The following VEPH1 variants were observed in gnomAD, a reference collection of about 807,000 sequenced individuals.
VEPH1 encodes ventricular zone-expressed PH domain-containing protein homolog 1.
Under a neutral mutation model 85.2 loss-of-function variants are expected in VEPH1, and 80 were observed. That is an observed-to-expected ratio of 0.94 (90% CI 0.78 to 1.13). The LOEUF is 1.13. Among genes scored for constraint, VEPH1 ranks in the 50% most tolerant of loss-of-function variants. The pLI is 0.00. For synonymous variants in VEPH1, 297 were observed against 348.0 expected (o/e 0.85, Z 1.63); for missense variants, 955 against 980.5 (o/e 0.97, Z 0.35).
chr3:157,437,035 A>G, intron 4 of VEPH1: 1 of 1,614,098 alleles, frequency 6.2e-7, no homozygotes, highest in Non-Finnish European at 8.5e-7. Flanking sequence ...ACAACGAAAT[A>G]GACAATGGAC....
intron 9 of VEPH1, among the ~76,000 whole-genome samples, chr3:157,334,100 A>G (rs16827505): frequency 6.6e-6 from 1 of 152,282 alleles, no homozygotes; most frequent in East Asian, 1.9e-4. Context: ...TATCAAACTC[A>G]TTGACGCTCC....
intron 5 of VEPH1, among the ~76,000 whole-genome samples, chr3:157,416,481 A>G (rs1731922274): frequency 6.6e-6 from 1 of 152,330 alleles, no homozygotes; most frequent in East Asian, 1.9e-4. Flanking sequence ...GGTCCCTGGC[A>G]TATATGGCAG....
chr3:157,397,545 T>G (rs530777590), intron 6 of VEPH1, among the ~76,000 whole-genome samples: 1 of 152,318 alleles, frequency 6.6e-6, no homozygotes, highest in Admixed American at 6.5e-5. Context: ...ATTCTTCCTA[T>G]CAATGAGTAT....
chr3:157,291,436 A>G (rs763401696), intron 11 of VEPH1, among the ~76,000 whole-genome samples: 2 of 152,214 alleles, frequency 1.3e-5, no homozygotes, highest in Admixed American at 6.5e-5. Context: ...AAGAATATCC[A>G]TGCCACAATT....
At chr3:157,489,291 C>T in intron 2 of VEPH1, 1 of 429,762 alleles carries the variant, frequency 2.3e-6, no homozygotes, top group Non-Finnish European at 4.7e-6. Context: ...CACATTGTTC[C>T]CTTCACTACA....
At chr3:157,393,601 T>C (rs1332108773) in intron 6 of VEPH1, among the ~76,000 whole-genome samples, 1 of 152,182 alleles carries the variant, frequency 6.6e-6, no homozygotes, top group Non-Finnish European at 1.5e-5. Flanking sequence ...AAATATTCAA[T>C]GATTGTATTT....
At chr3:157,468,028 A>G (rs1224081270) in intron 3 of VEPH1, among the ~76,000 whole-genome samples, 1 of 152,240 alleles carries the variant, frequency 6.6e-6, no homozygotes, top group Non-Finnish European at 1.5e-5. Flanking sequence ...TGTTAGAATT[A>G]TGGGCATTTG....
At chr3:157,381,073 G>T in intron 7 of VEPH1, 83 bp downstream of exon 7, 1 of 1,399,616 alleles carries the variant, frequency 7.1e-7, no homozygotes, top group Non-Finnish European at 1.0e-6. Flanking sequence ...GCTTCCTTTG[G>T]AAGTTAGAGA....
Position 157,392,820 on chromosome 3 carries a change from A to G in VEPH1, c.907-11444T>C, listed in dbSNP as rs368522615. Among the ~76,000 whole-genome samples, 180 of 152,330 alleles carry G rather than the reference A, an allele frequency of 1.2e-3. 1 individual carries two copies. The highest frequency in any genetic ancestry group is 3.4e-3 in the Middle Eastern group (1 of 294). On this transcript the variant is annotated intron_variant, in intron 6 of 13. Transcript: ENST00000362010. ...GCTTCATCTGTAGATTGGAGCTAAC[A>G]GTTCGGCGGCAGATACTTTTGATTG...
chr3:157,469,905 C>G (rs1736760791), intron 3 of VEPH1, among the ~76,000 whole-genome samples: 1 of 152,166 alleles, frequency 6.6e-6, no homozygotes, highest in South Asian at 2.1e-4. Context: ...ATGACTTAGT[C>G]ACTTTCCCTG....
intron 4 of VEPH1, among the ~76,000 whole-genome samples, chr3:157,450,791 T>C (rs1005929023): frequency 6.6e-6 from 1 of 152,126 alleles, no homozygotes; most frequent in Admixed American, 6.6e-5. Flanking sequence ...CCGTCCTGCA[T>C]TTGTGGGAGA....
intron 12 of VEPH1, among the ~76,000 whole-genome samples, chr3:157,277,946 C>T (rs1329475702): frequency 6.6e-6 from 1 of 152,126 alleles, no homozygotes; most frequent in Non-Finnish European, 1.5e-5. Flanking sequence ...TTTGTCATCA[C>T]TTGACTGAGA....
Position 157,495,469 on chromosome 3 carries a change from C to T in VEPH1, c.-120G>A, listed in dbSNP as rs1236593797. 3.3e-6 allele frequency: 5 copies of T among 1,503,204 alleles called. No homozygotes were observed. The Admixed American group carries it at 1.1e-4, about 34-fold the overall frequency. 93.1% of individuals were successfully genotyped at this position (1,503,204 alleles called of 1,614,324 possible). On this transcript the variant is annotated 5_prime_UTR_variant, in exon 2 of 14. The change abolishes an upstream ATG in the 5' untranslated region. Coordinates refer to ENST00000362010, the MANE Select transcript of VEPH1 (RefSeq NM_001167912.2). ...GTATACTTCTTATTCCATGAAAGGTCATTTTTCTCCAGACTTTGAGGTCTT... is the reference window on the plus strand; with the variant it reads ...GTATACTTCTTATTCCATGAAAGGTTATTTTTCTCCAGACTTTGAGGTCTT...
intron 11 of VEPH1, among the ~76,000 whole-genome samples, chr3:157,298,977 A>G (rs1718441659): frequency 1.3e-5 from 2 of 152,166 alleles, no homozygotes; most frequent in East Asian, 1.9e-4. Context: ...CTAAATTGCT[A>G]TGATTTTTAA....
intron 9 of VEPH1, among the ~76,000 whole-genome samples, chr3:157,325,551 G>A (rs1000038135): frequency 9.9e-5 from 15 of 151,894 alleles, no homozygotes; most frequent in African/African-American, 1.9e-4. Flanking sequence ...TTCAATTTTC[G>A]TCATATGGCC....
At chr3:157,443,192 T>C (rs1005576822) in intron 4 of VEPH1, 1 of 522,480 alleles carries the variant, frequency 1.9e-6, no homozygotes, top group Non-Finnish European at 3.3e-6. Flanking sequence ...GTTACTAGAC[T>C]TTATGCCATG....
chr3:157,468,790 T>A (rs1736634380), intron 3 of VEPH1, among the ~76,000 whole-genome samples: 1 of 152,160 alleles, frequency 6.6e-6, no homozygotes, highest in African/African-American at 2.4e-5. Flanking sequence ...AAAATATACA[T>A]ATATAATTTA....
Position 157,265,536 on chromosome 3 carries a change from T to G in VEPH1, c.2255A>C (p.Lys752Thr). 2 of 1,612,502 alleles carry G rather than the reference T, an allele frequency of 1.2e-6. No individual in the cohort carries two copies. The highest frequency in any genetic ancestry group is 1.7e-6 in the Non-Finnish European group (2 of 1,179,020). The stretch of plus-strand genomic sequence containing the variant: ...GATGGAGGAACTTACAGACTTTCCT[T>G]TTTGAAACAGAAGTTGATTTCCAGC... ...TLAGNQLLFQ[K>T]GKSKDDPDDC... Residue 752 changes from lysine (K) to threonine (T), a missense_variant, in exon 13 of 14, where the codon AAA becomes ACA. Lys to Thr is a moderately conservative substitution (Grantham distance 78). Coordinates refer to ENST00000362010, the MANE Select transcript of VEPH1 (RefSeq NM_001167912.2).
At position 157,363,608 on chromosome 3, in the gene VEPH1, G is replaced by T; in HGVS notation, c.1491C>A (p.Asp497Glu). 6.2e-7 allele frequency: 1 copy of T among 1,614,122 alleles called. No homozygotes were observed. Among genetic ancestry groups the T allele is most frequent in the African/African-American group, 1.3e-5 (1 of 75,032 alleles). Residue 497 changes from aspartate (D) to glutamate (E), a missense_variant, in exon 9 of 14, where the codon GAC becomes GAA. Asp to Glu is a conservative substitution (Grantham distance 45). Transcript: ENST00000362010. ...QGNDKLPFKT[D>E]TERSQLGESS... ...ACTCCCCCAGCTGTGATCTCTCAGT[G>T]TCTGTCTTAAACGGCAGCTTGTCAT... is the stretch of plus-strand genomic sequence containing the variant.
Sources: allele counts gnomAD v4.1 joint callset (sites outside exome capture counted in the v4.1 genomes callset), GRCh38; gene constraint gnomAD v4.1.1; transcripts MANE v1.5; gene names NCBI Gene and HGNC (gene_info 2026-07-23, HGNC 2026-07-21).